DAB1: variants seen among roughly 807,000 people sequenced by gnomAD.
DAB1 encodes DAB adaptor protein 1.
A neutral mutation model predicts 64.6 loss-of-function variants in DAB1; 15 were observed. The observed-to-expected ratio is 0.23, with a 90% CI of 0.16 to 0.36. DAB1 has a LOEUF of 0.36. Among genes scored for constraint, DAB1 ranks in the 10% least tolerant of loss-of-function variants. The probability of loss-of-function intolerance (pLI) is 1.00; values close to 1 mark genes in which losing one functional copy is unlikely to be tolerated. For missense variants in DAB1, 596 were observed against 706.7 expected (o/e 0.84, Z 1.78); for synonymous variants, 235 against 251.9 (o/e 0.93, Z 0.64).
chr1:57,596,262 A>G (rs1216998052), intron 7 of DAB1, among the ~76,000 whole-genome samples: 2 of 152,090 alleles, frequency 1.3e-5, no homozygotes, highest in African/African-American at 4.8e-5. Context: ...ATTGATTCCA[A>G]ATTCCTAAAC....
intron 1 of DAB1, chr1:57,866,320 G>A (rs567761396): frequency 6.6e-6 from 1 of 152,244 alleles, no homozygotes; most frequent in East Asian, 1.9e-4. Flanking sequence ...TGAACTCCGA[G>A]ACCATCTCTC....
chr1:57,025,800 T>G (rs563401254), intron 10 of DAB1, among the ~76,000 whole-genome samples, 181 bp downstream of exon 10: 1 of 152,168 alleles, frequency 6.6e-6, no homozygotes, highest in Non-Finnish European at 1.5e-5. Context: ...CCTTTATAAA[T>G]AGCCAAGCAA....
intron 1 of DAB1, chr1:58,534,142 G>T: frequency 1.2e-6 from 1 of 869,122 alleles, no homozygotes; most frequent in Non-Finnish European, 2.0e-6. Flanking sequence ...CAATGCGTTT[G>T]AGAACATTTA....
At chr1:57,652,250 C>T (rs1646265387) in intron 6 of DAB1, among the ~76,000 whole-genome samples, 1 of 152,162 alleles carries the variant, frequency 6.6e-6, no homozygotes. Flanking sequence ...ATGGCTCCAC[C>T]TGGACCCAAC....
chr1:57,329,799 T>C (rs77511), intron 1 of DAB1, among the ~76,000 whole-genome samples: 73,220 of 151,958 alleles, frequency 0.48, 18,703 homozygotes, highest in Non-Finnish European at 0.58. Flanking sequence ...AGCATTTAAC[T>C]TTCTGAATAG....
At chr1:57,359,689 A>C (rs1679393018) in intron 1 of DAB1, among the ~76,000 whole-genome samples, 1 of 152,078 alleles carries the variant, frequency 6.6e-6, no homozygotes, top group African/African-American at 2.4e-5. Context: ...AGACAACCTA[A>C]GTGTCCATCA....
chr1:58,307,963 C>T (rs1008734008), intron 4 of DAB1, among the ~76,000 whole-genome samples: 1 of 152,046 alleles, frequency 6.6e-6, no homozygotes, highest in Non-Finnish European at 1.5e-5. Flanking sequence ...GAGAGGTCCA[C>T]AGAGGCAATG....
chr1:57,019,799 G>A (rs1376150016), intron 11 of DAB1, among the ~76,000 whole-genome samples: 2 of 152,340 alleles, frequency 1.3e-5, no homozygotes, highest in African/African-American at 4.8e-5. Context: ...TCTCCTTGCT[G>A]TGGAGTGAAA....
At chr1:58,012,436 A>G (rs1202297127) in intron 5 of DAB1, among the ~76,000 whole-genome samples, 3 of 152,140 alleles carry the variant, frequency 2.0e-5, no homozygotes, top group Admixed American at 6.5e-5. Flanking sequence ...CCTACTGTAT[A>G]TGTAACTAAC....
chr1:57,575,848 C>T (rs1321907082), intron 7 of DAB1, among the ~76,000 whole-genome samples: 1 of 152,150 alleles, frequency 6.6e-6, no homozygotes, highest in Non-Finnish European at 1.5e-5. Context: ...AGAGTCTCTG[C>T]TCTCATGAAG....
At chr1:57,423,573 G>T (rs1327330555) in intron 1 of DAB1, among the ~76,000 whole-genome samples, 1 of 151,970 alleles carries the variant, frequency 6.6e-6, no homozygotes, top group African/African-American at 2.4e-5. Context: ...AGCCAGGACC[G>T]CAGGAGGAAA....
chr1:57,880,222 A>T (rs1397828582), intron 1 of DAB1: 1 of 151,998 alleles, frequency 6.6e-6, no homozygotes, highest in Admixed American at 6.6e-5. Context: ...GCTCTGCTAC[A>T]AAGCTGGAGA....
chr1:58,264,578 A>T lies in DAB1; in HGVS notation n.309+78774T>A, dbSNP rs117128624. On this transcript the variant is annotated intron_variant and non_coding_transcript_variant, in intron 4 of 20. Coordinates refer to the DAB1 transcript ENST00000485760. Reference sequence around the variant, plus strand: ...TTCCTCCACGTGATGATTTAGGGGCATAAGTTATTTGTGTCTTCAACACAT... The same window carrying T: ...TTCCTCCACGTGATGATTTAGGGGCTTAAGTTATTTGTGTCTTCAACACAT... 1.9e-3 allele frequency among the ~76,000 whole-genome samples: 287 copies of T among 152,324 alleles called. 9 individuals carry two copies. In the East Asian group the frequency reaches 0.044, roughly 23 times the overall value.
chr1:57,645,730 T>A (rs1646184678), intron 7 of DAB1, among the ~76,000 whole-genome samples: 2 of 152,184 alleles, frequency 1.3e-5, no homozygotes, highest in South Asian at 2.1e-4. Context: ...AGGGATTGAT[T>A]TGCTCAATGT....
At chr1:57,484,525 A>G (rs1033600485) in intron 7 of DAB1, among the ~76,000 whole-genome samples, 5 of 152,146 alleles carry the variant, frequency 3.3e-5, no homozygotes, top group African/African-American at 4.8e-5. Context: ...CCTGAGTTCA[A>G]ATGATGCTGC....
At chr1:57,439,425 C>CCTTTTT (rs1685833584) in intron 7 of DAB1, among the ~76,000 whole-genome samples, 1 of 97,984 alleles carries the variant, frequency 1.0e-5, no homozygotes, top group African/African-American at 4.9e-5. Flanking sequence ...GAGGTTTTTT[C>CCTTTTT]TTTTTTTTTT....
At chr1:57,566,811 G>A (rs1363242926) in intron 7 of DAB1, among the ~76,000 whole-genome samples, 1 of 152,084 alleles carries the variant, frequency 6.6e-6, no homozygotes, top group Non-Finnish European at 1.5e-5. Context: ...AAAAGTCCAG[G>A]ACCAGACGAA....
At chr1:57,074,364 T>C (rs929012169) in intron 4 of DAB1, among the ~76,000 whole-genome samples, 1 of 152,166 alleles carries the variant, frequency 6.6e-6, no homozygotes, top group East Asian at 1.9e-4. Context: ...TATGAAAACA[T>C]TGGGAACCAC....
chr1:57,078,935 T>C (rs1652229767), intron 4 of DAB1, among the ~76,000 whole-genome samples: 6 of 152,204 alleles, frequency 3.9e-5, no homozygotes, highest in Admixed American at 3.9e-4. Context: ...TCCAAAAATG[T>C]TGAGCATTAG....
Sources: allele counts gnomAD v4.1 joint callset (sites outside exome capture counted in the v4.1 genomes callset), GRCh38; gene constraint gnomAD v4.1.1; transcripts MANE v1.5; gene names NCBI Gene and HGNC (gene_info 2026-07-23, HGNC 2026-07-21).